The following CTNNA2 variants were observed in gnomAD, a reference collection of about 807,000 sequenced individuals.
CTNNA2 encodes the protein catenin alpha 2, also known as catenin alpha-2.
Under a neutral mutation model 101.0 loss-of-function variants are expected in CTNNA2, and 42 were observed. The ratio of observed to expected loss-of-function variants is 0.42; its 90% confidence interval spans 0.32 to 0.54. The LOEUF is 0.54. Among genes scored for constraint, CTNNA2 ranks in the 20% least tolerant of loss-of-function variants. The pLI, the probability that CTNNA2 is intolerant of heterozygous loss-of-function variation, is 0.14. For synonymous variants in CTNNA2, 450 were observed against 456.4 expected (o/e 0.99, Z 0.18); for missense variants, 871 against 1,223.1 (o/e 0.71, Z 4.29).
intron 16 of CTNNA2, among the ~76,000 whole-genome samples, chr2:80,604,911 C>G (rs1697873872): frequency 6.6e-6 from 1 of 151,918 alleles, no homozygotes. Flanking sequence ...GGGAGAACAT[C>G]ATGTTTTTAA....
intron 3 of CTNNA2, among the ~76,000 whole-genome samples, chr2:79,825,433 TGTG>T (rs1678357857): frequency 6.6e-6 from 1 of 151,716 alleles, no homozygotes; most frequent in South Asian, 2.1e-4. Context: ...TTAAATAAAG[TGTG>T]GTGTATATAA....
At chr2:80,127,284 G>C (rs1023419711) in intron 7 of CTNNA2, among the ~76,000 whole-genome samples, 6 of 152,190 alleles carry the variant, frequency 3.9e-5, no homozygotes, top group African/African-American at 1.4e-4. Context: ...TTAAATTTTA[G>C]CTGCATATAT....
intron 1 of CTNNA2, among the ~76,000 whole-genome samples, chr2:79,562,388 T>C (rs1044008071): frequency 1.3e-5 from 2 of 152,062 alleles, no homozygotes; most frequent in African/African-American, 4.8e-5. Flanking sequence ...ATTTTAAAGT[T>C]TGTGTTTTTA....
chr2:80,225,679 C>T (rs188426309), intron 7 of CTNNA2, among the ~76,000 whole-genome samples: 34 of 152,204 alleles, frequency 2.2e-4, no homozygotes, highest in African/African-American at 8.2e-4. Flanking sequence ...ACTTATTTTC[C>T]TACTAGCTGA....
chr2:79,719,742 T>A (rs1382693586), intron 2 of CTNNA2, among the ~76,000 whole-genome samples: 1 of 152,116 alleles, frequency 6.6e-6, no homozygotes, highest in Non-Finnish European at 1.5e-5. Flanking sequence ...TTAATGCGGT[T>A]ATTTGTGCTT....
intron 2 of CTNNA2, among the ~76,000 whole-genome samples, chr2:79,257,142 A>G (rs890606316): frequency 4.9e-4 from 75 of 152,138 alleles, no homozygotes; most frequent in African/African-American, 1.6e-3. Context: ...TTGCCTTTGT[A>G]TATGTTTGAA....
chr2:80,311,222 A>G (rs1321407498), intron 7 of CTNNA2, among the ~76,000 whole-genome samples: 2 of 152,178 alleles, frequency 1.3e-5, no homozygotes, highest in Non-Finnish European at 2.9e-5. Flanking sequence ...TTTATTCTAG[A>G]AGTGGAATTG....
chr2:80,000,415 CAAAT>C (rs1453713624), intron 7 of CTNNA2, among the ~76,000 whole-genome samples: 2 of 152,082 alleles, frequency 1.3e-5, no homozygotes, highest in Non-Finnish European at 2.9e-5. Flanking sequence ...TGATGAAAAA[CAAAT>C]AAACAAACAA....
At chr2:80,441,946 C>G (rs988080145) in intron 9 of CTNNA2, among the ~76,000 whole-genome samples, 1 of 152,214 alleles carries the variant, frequency 6.6e-6, no homozygotes, top group Admixed American at 6.5e-5. Flanking sequence ...AAGGGAGACA[C>G]CAGTCTTTCA....
chr2:79,706,833 C>A (rs1685413915), intron 2 of CTNNA2, among the ~76,000 whole-genome samples: 1 of 152,064 alleles, frequency 6.6e-6, no homozygotes, highest in African/African-American at 2.4e-5. Flanking sequence ...TGTGTACTTT[C>A]TTTCTTACTT....
At chr2:79,432,615 A>G (rs889252160) in intron 4 of CTNNA2, among the ~76,000 whole-genome samples, 2 of 152,206 alleles carry the variant, frequency 1.3e-5, no homozygotes, top group Non-Finnish European at 2.9e-5. Context: ...TCAGTGAGAT[A>G]CCACAAGGGT....
At chr2:80,057,624 G>T (rs1697312463) in intron 7 of CTNNA2, among the ~76,000 whole-genome samples, 1 of 152,084 alleles carries the variant, frequency 6.6e-6, no homozygotes, top group Admixed American at 6.6e-5. Context: ...GGGAACACAA[G>T]AATTTAAGGG....
At chr2:80,218,680 A>G (rs571150986) in intron 7 of CTNNA2, among the ~76,000 whole-genome samples, 4 of 152,326 alleles carry the variant, frequency 2.6e-5, no homozygotes, top group African/African-American at 9.6e-5. Flanking sequence ...GATTTAGAAG[A>G]CATAATGCAT....
chr2:79,477,805 A>C (rs1039269581), intron 4 of CTNNA2, among the ~76,000 whole-genome samples: 5 of 152,206 alleles, frequency 3.3e-5, no homozygotes, highest in African/African-American at 1.2e-4. Flanking sequence ...ATACATGGGA[A>C]TTTATGTAAC....
intron 7 of CTNNA2, among the ~76,000 whole-genome samples, chr2:80,230,854 C>T (rs1211232908): frequency 6.6e-6 from 1 of 152,142 alleles, no homozygotes; most frequent in Non-Finnish European, 1.5e-5. Flanking sequence ...AATAAAGATT[C>T]TCATTCTTTA....
chr2:80,408,928 C>T (rs1441882895), intron 8 of CTNNA2, among the ~76,000 whole-genome samples: 1 of 152,074 alleles, frequency 6.6e-6, no homozygotes, highest in African/African-American at 2.4e-5. Context: ...AATAACGATG[C>T]TCACCCTACA....
intron 7 of CTNNA2, among the ~76,000 whole-genome samples, chr2:80,171,225 G>A (rs1047388256): frequency 7.2e-5 from 11 of 152,182 alleles, no homozygotes; most frequent in Non-Finnish European, 1.6e-4. Context: ...AGGCACGATC[G>A]TGCTTGATGG....
intron 3 of CTNNA2, among the ~76,000 whole-genome samples, chr2:79,853,596 C>T (rs796501200): frequency 7.9e-5 from 12 of 152,216 alleles, no homozygotes; most frequent in African/African-American, 2.9e-4. Flanking sequence ...TGACCTGATT[C>T]CTACCTGATG....
intron 8 of CTNNA2, among the ~76,000 whole-genome samples, chr2:80,394,124 A>G (rs1396337419): frequency 6.6e-6 from 1 of 152,212 alleles, no homozygotes; most frequent in Non-Finnish European, 1.5e-5. Context: ...GCCAGCTAAA[A>G]CCAACCACTG....
Sources: gnomAD v4.1 joint callset for allele counts (sites outside exome capture counted in the v4.1 genomes callset) on GRCh38, gnomAD v4.1.1 for gene constraint, MANE v1.5 for transcripts, NCBI Gene and HGNC (gene_info 2026-07-23, HGNC 2026-07-21) for gene names.